Variants in OSBPL11 observed in about 807,000 individuals in gnomAD.
The protein encoded by OSBPL11 is oxysterol-binding protein-related protein 11.
Under a neutral mutation model 84.4 loss-of-function variants are expected in OSBPL11, and 33 were observed. The observed-to-expected ratio is 0.39, with a 90% CI of 0.30 to 0.52. OSBPL11 has a LOEUF of 0.52. Among genes scored for constraint, OSBPL11 ranks in the 20% least tolerant of loss-of-function variants. OSBPL11 has a pLI of 0.72. For missense variants in OSBPL11, 736 were observed against 901.1 expected, an observed-to-expected ratio of 0.82 and a Z score of 2.35; for synonymous variants, 276 against 310.2, an observed-to-expected ratio of 0.89 and a Z score of 1.16.
At chr3:125,550,414 A>C (rs1465893322) in intron 9 of OSBPL11, among the ~76,000 whole-genome samples, 2 of 138,114 alleles carry the variant, frequency 1.4e-5, no homozygotes, top group Non-Finnish European at 3.1e-5. Context: ...CACAACAAAC[A>C]AAAAAAAAAA....
chr3:125,590,256 ATTT>A (rs1936576519), intron 1 of OSBPL11, among the ~76,000 whole-genome samples: 1 of 152,206 alleles, frequency 6.6e-6, no homozygotes, highest in Non-Finnish European at 1.5e-5. Flanking sequence ...CTTAAGTTTA[ATTT>A]TTCAAAAGGG....
At chr3:125,578,770 CAA>C (rs35597933) in intron 4 of OSBPL11, among the ~76,000 whole-genome samples, 188 bp downstream of exon 4, 1 of 130,812 alleles carries the variant, frequency 7.6e-6, no homozygotes, top group African/African-American at 2.9e-5. Flanking sequence ...GACTCCGTCT[CAA>C]AAAAAAAAAG....
intron 5 of OSBPL11, among the ~76,000 whole-genome samples, chr3:125,571,146 T>C (rs745426769): frequency 1.3e-5 from 2 of 152,168 alleles, no homozygotes; most frequent in Non-Finnish European, 2.9e-5. Flanking sequence ...GTGACTCTTG[T>C]TAGGTTTTAG....
chr3:125,543,235 A>G (rs1020225113), intron 10 of OSBPL11, among the ~76,000 whole-genome samples: 7 of 147,182 alleles, frequency 4.8e-5, no homozygotes, highest in African/African-American at 7.6e-5. Flanking sequence ...AGGTTCAAGC[A>G]ATTCTCGTGT....
chr3:125,539,593 G>T (rs1033968532), intron 10 of OSBPL11, among the ~76,000 whole-genome samples: 2 of 151,778 alleles, frequency 1.3e-5, no homozygotes, highest in Non-Finnish European at 2.9e-5. Context: ...GGGATTACAG[G>T]TATGCGTCAT....
At position 125,595,278 on chromosome 3, in the gene OSBPL11, G is replaced by A. The variant is rs944273160; in HGVS notation, c.-478C>T. 6.6e-6 allele frequency among the ~76,000 whole-genome samples: 1 copy of A among 152,150 alleles called. No homozygotes were observed. Among genetic ancestry groups the A allele is most frequent in the Non-Finnish European group, 1.5e-5 (1 of 68,006 alleles). ...TCAAGCCCGCTCGGCAGTTCCCGCC[G>A]CAGCCCCCGAGATACAGCCAGGGCC... On this transcript the variant is annotated 5_prime_UTR_variant, in exon 1 of 13. Transcript: ENST00000296220.
intron 8 of OSBPL11, among the ~76,000 whole-genome samples, chr3:125,555,962 C>T (rs1468345071): frequency 3.3e-5 from 5 of 152,192 alleles, no homozygotes; most frequent in East Asian, 1.9e-4. Context: ...GGATTACAGG[C>T]GTGAGCCACT....
In OSBPL11 at chr3:125,594,668, G is replaced by T; in HGVS notation, c.133C>A (p.Arg45Ser). 6.2e-7 allele frequency: 1 copy of T among 1,613,836 alleles called. No individual in the cohort carries two copies. The highest frequency in any genetic ancestry group is 8.5e-7 in the Non-Finnish European group (1 of 1,179,990). The change falls in exon 1 of 13, where the codon CGC becomes AGC. Residue 45 changes from arginine (R) to serine (S), a missense_variant. Arg to Ser is a moderately radical substitution (Grantham distance 110, BLOSUM62 -1). Around this residue, in one of 3 missense-constraint regions of OSBPL11, gnomAD observed 114 missense variants for 104.9 expected, o/e 1.09. Transcript: ENST00000296220. ...TGCCAGCCTTTTGCACTGCCACCGC[G>T]GCTGCTGCTGCTGCTACTGATTCCA... Reference protein sequence around the residue: ...GGGISSSSSSRGGSAKGWQYS... With the variant: ...GGGISSSSSSSGGSAKGWQYS...
chr3:125,536,317 T>C (rs1443897334), intron 11 of OSBPL11, among the ~76,000 whole-genome samples: 1 of 152,214 alleles, frequency 6.6e-6, no homozygotes, highest in African/African-American at 2.4e-5. Flanking sequence ...AAATAACTTA[T>C]ATGGAAATCC....
intron 8 of OSBPL11, among the ~76,000 whole-genome samples, chr3:125,555,666 G>T (rs1935981421): frequency 6.6e-6 from 1 of 151,568 alleles, no homozygotes; most frequent in Admixed American, 6.6e-5. Flanking sequence ...CTTTTCATTA[G>T]AACCCTGCAG....
At chr3:125,583,944 A>G (rs1047743628) in intron 1 of OSBPL11, among the ~76,000 whole-genome samples, 6 of 152,126 alleles carry the variant, frequency 3.9e-5, no homozygotes, top group African/African-American at 1.4e-4. Context: ...TATCTTCCCC[A>G]GGCTTCAGGC....
intron 10 of OSBPL11, among the ~76,000 whole-genome samples, chr3:125,542,492 T>C (rs1313532910): frequency 6.6e-6 from 1 of 150,490 alleles, no homozygotes; most frequent in African/African-American, 2.4e-5. Flanking sequence ...TGTGCCACCA[T>C]GTCCTGCTAA....
At chr3:125,578,267 C>T (rs1474063788) in intron 4 of OSBPL11, among the ~76,000 whole-genome samples, 1 of 152,166 alleles carries the variant, frequency 6.6e-6, no homozygotes, top group Non-Finnish European at 1.5e-5. Context: ...ATGAAAGACA[C>T]CAGATACAAC....
In OSBPL11 at chr3:125,532,060, A is replaced by G. The variant is rs778008061; in HGVS notation, c.2025-46T>C. The G allele has an allele frequency of 3.2e-6, 5 of 1,546,514 alleles. No homozygotes were observed. The East Asian group carries it at 9.0e-5, about 28-fold the overall frequency. ...ATTTTACAAGCATTCTTTAAAAGAG[A>G]TAATTAAATAGAATCAATACCCTCA... On this transcript the variant is annotated intron_variant, in intron 11 of 12. Transcript: ENST00000296220.
intron 2 of OSBPL11, among the ~76,000 whole-genome samples, chr3:125,580,565 T>C (rs1455198622): frequency 7.9e-6 from 1 of 125,916 alleles, no homozygotes; most frequent in African/African-American, 2.9e-5. Context: ...ATAAAAGATA[T>C]AATAAACCCT....
intron 8 of OSBPL11, among the ~76,000 whole-genome samples, chr3:125,558,402 T>C (rs1399317644): frequency 6.6e-6 from 1 of 152,256 alleles, no homozygotes; most frequent in Non-Finnish European, 1.5e-5. Context: ...ACAGAAATGA[T>C]TCCCAGTTGA....
chr3:125,552,120 T>A (rs77761851), intron 9 of OSBPL11, 61 bp downstream of exon 9: 2 of 916,658 alleles, frequency 2.2e-6, no homozygotes, highest in Non-Finnish European at 1.4e-6. Flanking sequence ...GAAAAAAAAA[T>A]ACATATATAT....
intron 11 of OSBPL11, among the ~76,000 whole-genome samples, chr3:125,536,164 G>A (rs1035948977): frequency 1.4e-4 from 21 of 151,422 alleles, no homozygotes; most frequent in East Asian, 1.4e-3. Flanking sequence ...GCCTCACACA[G>A]ATACAGTTTG....
intron 4 of OSBPL11, among the ~76,000 whole-genome samples, chr3:125,577,779 A>G (rs1350810783): frequency 6.6e-6 from 1 of 152,044 alleles, no homozygotes; most frequent in Non-Finnish European, 1.5e-5. Flanking sequence ...CAGTGAGCTG[A>G]TATCGTGCCA....
Sources: allele counts gnomAD v4.1 joint callset (sites outside exome capture counted in the v4.1 genomes callset), GRCh38; gene constraint gnomAD v4.1.1; regional missense constraint gnomAD v4.1.1; transcripts MANE v1.5; gene names NCBI Gene and HGNC (gene_info 2026-07-23, HGNC 2026-07-21).